MGAT4A: variants seen among roughly 807,000 people sequenced by gnomAD.
MGAT4A encodes the protein alpha-1,3-mannosyl-glycoprotein 4-beta-N-acetylglucosaminyltransferase A.
In MGAT4A, 33 loss-of-function variants were observed where a neutral mutation model predicts 74.1. That is an observed-to-expected ratio of 0.45 (90% CI 0.34 to 0.60). MGAT4A has a LOEUF of 0.60. MGAT4A is among the 20% of genes least tolerant of loss of function. MGAT4A has a pLI of 0.02. For synonymous variants in MGAT4A, 198 were observed against 210.4 expected, an observed-to-expected ratio of 0.94 and a Z score of 0.51; for missense variants, 479 against 628.3, an observed-to-expected ratio of 0.76 and a Z score of 2.54.
intron 2 of MGAT4A, among the ~76,000 whole-genome samples, chr2:98,681,800 GT>G (rs1282478888): frequency 6.6e-6 from 1 of 151,918 alleles, no homozygotes; most frequent in Non-Finnish European, 1.5e-5. Flanking sequence ...TAAAAAAAGA[GT>G]TTTTTTAAGA....
intron 14 of MGAT4A, among the ~76,000 whole-genome samples, chr2:98,633,590 T>C (rs891887925): frequency 6.6e-6 from 1 of 152,232 alleles, no homozygotes; most frequent in Non-Finnish European, 1.5e-5. Flanking sequence ...ATGTTCTACA[T>C]TCAGTTGAAA....
At chr2:98,651,409 C>T (rs1043161379) in intron 8 of MGAT4A, among the ~76,000 whole-genome samples, 3 of 152,030 alleles carry the variant, frequency 2.0e-5, no homozygotes, top group Non-Finnish European at 4.4e-5. Context: ...ATATAAAAAG[C>T]GGTCACTGGT....
At chr2:98,635,401 A>C in intron 13 of MGAT4A, 113 bp from the exon 14 acceptor site, 1 of 684,940 alleles carries the variant, frequency 1.5e-6, no homozygotes. Context: ...ATCCCTAAAA[A>C]GAGAAATATC....
chr2:98,659,916 A>T (rs1447339256), intron 5 of MGAT4A, among the ~76,000 whole-genome samples: 1 of 152,160 alleles, frequency 6.6e-6, no homozygotes, highest in Non-Finnish European at 1.5e-5. Context: ...ATGATATATA[A>T]AATATAATCT....
At chr2:98,725,070 G>T (rs1218549093) in intron 2 of MGAT4A, among the ~76,000 whole-genome samples, 1 of 152,176 alleles carries the variant, frequency 6.6e-6, no homozygotes, top group Non-Finnish European at 1.5e-5. Flanking sequence ...GTGAAACTCT[G>T]TCTCAAAAAC....
At chr2:98,690,567 G>C (rs150763919) in intron 2 of MGAT4A, among the ~76,000 whole-genome samples, 8 of 152,170 alleles carry the variant, frequency 5.3e-5, no homozygotes, top group African/African-American at 1.9e-4. Context: ...AAAAGCCAGA[G>C]TCTTATAATA....
chr2:98,660,264 G>A (rs1034175263), intron 5 of MGAT4A, among the ~76,000 whole-genome samples: 18 of 55,860 alleles, frequency 3.2e-4, no homozygotes, highest in African/African-American at 8.2e-4. Flanking sequence ...CTCATGGATT[G>A]GAAGAATTAA....
intron 2 of MGAT4A, among the ~76,000 whole-genome samples, chr2:98,710,990 G>A (rs1271300224): frequency 2.1e-5 from 3 of 145,256 alleles, no homozygotes; most frequent in Admixed American, 7.1e-5. Context: ...AAAGAAGTTG[G>A]GTTAAAAAAA....
At position 98,624,056 on chromosome 2, in the gene MGAT4A, A is replaced by G. The variant is rs900308957; in HGVS notation, c.*1510T>C. The stretch of plus-strand genomic sequence containing the variant: ...GAGACGGAGTCTAGCTGTGTCGCCC[A>G]GGCTGGAGTGCAGTGGTGCGATCTC... On this transcript the variant is annotated 3_prime_UTR_variant, in exon 16 of 16. Transcript: ENST00000393487. 4.1e-6 allele frequency: 4 copies of G among 978,212 alleles called. No individual in the cohort carries two copies. The African/African-American group carries it at 7.0e-5, about 17-fold the overall frequency. The allele number at this position is 978,212 out of a possible 1,614,324, so 60.6% of individuals were successfully genotyped here. A position where few individuals can be genotyped will look rare whatever the true frequency, so the allele number is the denominator to read the frequency against.
At chr2:98,637,342 AAAT>A (rs1181546561) in intron 12 of MGAT4A, among the ~76,000 whole-genome samples, 4 of 151,492 alleles carry the variant, frequency 2.6e-5, no homozygotes, top group African/African-American at 4.8e-5. Context: ...TAATAGTAAT[AAAT>A]AATAATAATA....
chr2:98,642,490 A>T (rs1701424805), intron 10 of MGAT4A, among the ~76,000 whole-genome samples: 1 of 152,212 alleles, frequency 6.6e-6, no homozygotes, highest in African/African-American at 2.4e-5. Flanking sequence ...AAATCGTCCA[A>T]AAGTTCATGT....
chr2:98,702,163 C>A (rs1018517631), intron 2 of MGAT4A, among the ~76,000 whole-genome samples: 1 of 152,212 alleles, frequency 6.6e-6, no homozygotes, highest in Non-Finnish European at 1.5e-5. Flanking sequence ...ACTTTTCCTG[C>A]CAAGAGCTGC....
At position 98,621,172 on chromosome 2, in the gene MGAT4A, T is replaced by C. The variant is rs1464846207; in HGVS notation, c.*4394A>G. On this transcript the variant is annotated 3_prime_UTR_variant, in exon 16 of 16. Transcript: ENST00000393487. ...CACCACTGATTTATTATCTCATAGT[T>C]CTGTAGGTCAGAAGTCCAAGCAGGC... 1 of 399,130 alleles carries C rather than the reference T, an allele frequency of 2.5e-6. No homozygotes were observed. Among genetic ancestry groups the C allele is most frequent in the African/African-American group, 2.1e-5 (1 of 48,598 alleles). 24.7% of individuals were successfully genotyped at this position (399,130 alleles called of 1,614,324 possible). A position where few individuals can be genotyped will look rare whatever the true frequency, so the allele number is the denominator to read the frequency against.
intron 2 of MGAT4A, among the ~76,000 whole-genome samples, chr2:98,712,309 T>A (rs1054275978): frequency 6.6e-6 from 1 of 152,236 alleles, no homozygotes; most frequent in South Asian, 2.1e-4. Flanking sequence ...TTTACCCCAG[T>A]GCTATCATAG....
At chr2:98,627,163 G>A (rs139703581) in intron 14 of MGAT4A, among the ~76,000 whole-genome samples, 89 of 152,272 alleles carry the variant, frequency 5.8e-4, no homozygotes, top group African/African-American at 2.0e-3. Context: ...TGCATCTGCC[G>A]TAAACTTGTG....
chr2:98,687,279 G>A (rs936500110), intron 2 of MGAT4A, among the ~76,000 whole-genome samples: 3 of 152,070 alleles, frequency 2.0e-5, no homozygotes, highest in Non-Finnish European at 4.4e-5. Flanking sequence ...TAACTACATA[G>A]TTATCTAATG....
At chr2:98,674,922 TAAAG>T (rs909721122) in intron 4 of MGAT4A, 109 bp downstream of exon 4, 16 of 1,089,500 alleles carry the variant, frequency 1.5e-5, no homozygotes, top group Non-Finnish European at 1.9e-5. Context: ...TGTGCACAGA[TAAAG>T]AAAGAACTTT....
chr2:98,723,918 G>T (rs1702723053), intron 2 of MGAT4A, among the ~76,000 whole-genome samples: 1 of 152,184 alleles, frequency 6.6e-6, no homozygotes, highest in African/African-American at 2.4e-5. Context: ...TATGACCTTG[G>T]TAAGTTTCTC....
chr2:98,682,684 G>C (rs1702077580), intron 2 of MGAT4A, among the ~76,000 whole-genome samples: 1 of 150,186 alleles, frequency 6.7e-6, no homozygotes, highest in Non-Finnish European at 1.5e-5. Flanking sequence ...CGTGCCTCGT[G>C]AAGTGAACCC....
Sources: gnomAD v4.1 joint callset for allele counts (sites outside exome capture counted in the v4.1 genomes callset) on GRCh38, gnomAD v4.1.1 for gene constraint, MANE v1.5 for transcripts, NCBI Gene and HGNC (gene_info 2026-07-23, HGNC 2026-07-21) for gene names.